Variants in TNC observed in about 807,000 individuals in gnomAD.
TNC encodes the protein tenascin.
TNC carries 109 observed loss-of-function variants against 202.4 expected under a neutral mutation model. The ratio of observed to expected loss-of-function variants is 0.54; its 90% CI spans 0.46 to 0.63. The LOEUF (loss-of-function observed/expected upper bound fraction) is 0.63. Among genes scored for constraint, TNC ranks in the 30% least tolerant of loss-of-function variants. The probability of loss-of-function intolerance (pLI) is 0.00; values close to 1 mark genes in which losing one functional copy is unlikely to be tolerated. For synonymous variants in TNC, 1,007 were observed against 1,089.7 expected, an observed-to-expected ratio of 0.92 and a Z score of 1.50; for missense variants, 2,756 against 2,833.3, an observed-to-expected ratio of 0.97 and a Z score of 0.62.
intron 17 of TNC, among the ~76,000 whole-genome samples, chr9:115,044,384 G>GAC (rs113847516): frequency 0.23 from 34,198 of 146,988 alleles, 4,178 homozygotes; most frequent in East Asian, 0.38. Flanking sequence ...CAGGCATGTA[G>GAC]ACACACACAC....
At chr9:115,108,061 C>T (rs1342871863) in intron 1 of TNC, among the ~76,000 whole-genome samples, 6 of 152,144 alleles carry the variant, frequency 3.9e-5, no homozygotes, top group Non-Finnish European at 5.9e-5. Context: ...TGGCTGTGCT[C>T]ATTGATTGTC....
intron 14 of TNC, among the ~76,000 whole-genome samples, chr9:115,058,891 A>T (rs1832330710): frequency 6.6e-6 from 1 of 152,060 alleles, no homozygotes; most frequent in Non-Finnish European, 1.5e-5. Flanking sequence ...GTCTTGTAAC[A>T]GGGGTAGAGT....
At position 115,048,859 on chromosome 9, in the gene TNC, T is replaced by C. The variant is rs575457151; in HGVS notation, c.4580-327A>G. Among the ~76,000 whole-genome samples, 4 of 152,236 alleles carry C rather than the reference T, an allele frequency of 2.6e-5. No homozygotes were observed. The East Asian group carries it at 7.7e-4, about 29-fold the overall frequency. On this transcript the variant is annotated intron_variant, in intron 15 of 27. Coordinates refer to ENST00000350763, the MANE Select transcript of TNC (RefSeq NM_002160.4). Reference sequence around the variant, plus strand: ...TAGTCAGGTTTGACTCCAAAGGCCATGTAGTTCTTTATACAAATAGGTTGC... The same window carrying C: ...TAGTCAGGTTTGACTCCAAAGGCCACGTAGTTCTTTATACAAATAGGTTGC...
At chr9:115,049,912 A>T (rs939208788) in intron 15 of TNC, among the ~76,000 whole-genome samples, 8 of 152,162 alleles carry the variant, frequency 5.3e-5, no homozygotes, top group African/African-American at 1.9e-4. Flanking sequence ...TTGTAAATAG[A>T]GATTTAAATT....
intron 1 of TNC, among the ~76,000 whole-genome samples, chr9:115,096,460 T>C (rs1006270568): frequency 2.0e-5 from 3 of 152,216 alleles, no homozygotes; most frequent in African/African-American, 7.2e-5. Context: ...AGAAGTTTTA[T>C]TGAGCAGTAC....
rs1829026696 is a variant in TNC at position 115,021,094 on chromosome 9, CT to C, written c.*62del. The C allele has an allele frequency of 7.2e-7, 1 of 1,381,978 alleles. No individual in the cohort carries two copies. The highest frequency in any genetic ancestry group is 1.0e-6 in the Non-Finnish European group (1 of 976,740). 85.6% of individuals were successfully genotyped at this position (1,381,978 alleles called of 1,614,324 possible). ...GATGGTTGGGCTGGTTGTATTGATGCTTTGGTAAAATCCTTTCCTCGCTCTG... is the reference window on the plus strand; with the variant it reads ...GATGGTTGGGCTGGTTGTATTGATGCTTGGTAAAATCCTTTCCTCGCTCTG... On this transcript the variant is annotated 3_prime_UTR_variant, in exon 28 of 28. Transcript: ENST00000350763.
In TNC at chr9:115,086,745, G is replaced by A. The variant is rs763194271; in HGVS notation, c.986C>T (p.Thr329Ile). 2.5e-6 allele frequency: 4 copies of A among 1,613,754 alleles called. No individual in the cohort carries two copies. In the Admixed American group the frequency reaches 6.7e-5, roughly 27 times the overall value. The change falls in exon 3 of 28, where the codon ACC becomes ATC. Residue 329 changes from threonine (T) to isoleucine (I), a missense_variant. Transcript: ENST00000350763. ...TGTGAAGCCTTCTTCGCAGTAGCAGGTGCCATTGATGCAGCGGCCCCGGTC... is the reference window on the plus strand; with the variant it reads ...TGTGAAGCCTTCTTCGCAGTAGCAGATGCCATTGATGCAGCGGCCCCGGTC... ...CFDRGRCING[T>I]CYCEEGFTGE...
chr9:115,106,890 A>G (rs1836657608), intron 1 of TNC, among the ~76,000 whole-genome samples: 2 of 152,168 alleles, frequency 1.3e-5, no homozygotes, highest in Non-Finnish European at 2.9e-5. Context: ...AATTCCTTCT[A>G]AATAGGATCA....
intron 18 of TNC, among the ~76,000 whole-genome samples, chr9:115,041,868 C>T (rs907472237): frequency 1.3e-5 from 2 of 152,198 alleles, no homozygotes; most frequent in African/African-American, 4.8e-5. Flanking sequence ...TAAAACTTCA[C>T]ATATATCCAA....
chr9:115,054,696 G>A (rs1473652721), intron 15 of TNC, among the ~76,000 whole-genome samples: 3 of 152,128 alleles, frequency 2.0e-5, no homozygotes, highest in African/African-American at 4.8e-5. Context: ...AAAATGAGGG[G>A]CATTTTTCTC....
At position 115,062,521 on chromosome 9, in the gene TNC, A is replaced by G. The variant is rs1039518284; in HGVS notation, c.4033+396T>C. 7.9e-5 allele frequency among the ~76,000 whole-genome samples: 12 copies of G among 152,028 alleles called. 3 individuals are homozygous for G. The Middle Eastern group carries it at 0.037, about 474-fold the overall frequency. On this transcript the variant is annotated intron_variant, in intron 13 of 27. Transcript: ENST00000350763. The stretch of plus-strand genomic sequence containing the variant: ...CTACTGTAGAGGCTGAGGCAGGAGA[A>G]TCACTTGAGTCTAGGAGTTCGAGGC...
chr9:115,041,367 G>A (rs1319459586), intron 18 of TNC, among the ~76,000 whole-genome samples: 1 of 151,438 alleles, frequency 6.6e-6, no homozygotes, highest in Non-Finnish European at 1.5e-5. Context: ...TCAGTAGAGA[G>A]CTGGCACGTT....
At chr9:115,040,381 T>C (rs1244035534) in intron 19 of TNC, among the ~76,000 whole-genome samples, 1 of 152,174 alleles carries the variant, frequency 6.6e-6, no homozygotes, top group Non-Finnish European at 1.5e-5. Flanking sequence ...AGGAGCTGTT[T>C]TGTAGCTGTC....
intron 13 of TNC, among the ~76,000 whole-genome samples, chr9:115,061,572 GC>G (rs1482780662): frequency 6.6e-6 from 1 of 152,148 alleles, no homozygotes; most frequent in Non-Finnish European, 1.5e-5. Flanking sequence ...ATAAAACCTG[GC>G]CCCCTTATTT....
intron 27 of TNC, among the ~76,000 whole-genome samples, chr9:115,023,124 C>T (rs1829213661): frequency 6.6e-6 from 1 of 152,058 alleles, no homozygotes; most frequent in African/African-American, 2.4e-5. Flanking sequence ...GAATTTGGCC[C>T]TTTGCATTTT....
At chr9:115,077,486 G>C (rs368259221) in intron 7 of TNC, among the ~76,000 whole-genome samples, 54 of 152,298 alleles carry the variant, frequency 3.5e-4, no homozygotes, top group South Asian at 8.3e-4. Context: ...CACCACGCCC[G>C]GCCTCCTCAT....
chr9:115,068,315 G>T (rs1316289821), intron 10 of TNC, among the ~76,000 whole-genome samples: 1 of 152,172 alleles, frequency 6.6e-6, no homozygotes, highest in Non-Finnish European at 1.5e-5. Context: ...GAAACCCATT[G>T]CTGTGCTCCT....
chr9:115,086,155 C>T lies in TNC; in HGVS notation c.1576G>A (p.Asp526Asn). ...CVCEDGFTGPDCAELSCPNDC... is the reference protein window; with the variant it reads ...CVCEDGFTGPNCAELSCPNDC... ...TTTGGACAGGAGAGTTCTGCACAGT[C>T]AGGGCCGGTGAAGCCGTCCTCACAG... Residue 526 changes from aspartate to asparagine, a missense_variant, in exon 3 of 28, where the codon GAC (aspartate) becomes AAC (asparagine). By Grantham distance (23) the Asp-to-Asn change is conservative (BLOSUM62 1). Transcript: ENST00000350763. 6.2e-7 allele frequency: 1 copy of T among 1,614,214 alleles called. No individual in the cohort carries two copies. The highest frequency in any genetic ancestry group is 2.2e-5 in the East Asian group (1 of 44,886).
Position 115,076,445 on chromosome 9 carries a change from G to A in TNC, c.2805C>T (p.His935=), listed in dbSNP as rs749996186. ...IKYAPISGGD[H]AEVDVPKSQQ... The stretch of plus-strand genomic sequence containing the variant: ...GGCTCTTTGGAACATCAACCTCAGC[G>A]TGGTCCCCTCCAGAGATGGGGGCAT... Residue 935 remains histidine (H), a synonymous_variant, in exon 8 of 28, where the codon CAC becomes CAT. Coordinates refer to ENST00000350763, the MANE Select transcript of TNC (RefSeq NM_002160.4). 23 of 1,614,050 alleles carry A rather than the reference G, an allele frequency of 1.4e-5. No individual in the cohort carries two copies. In the Middle Eastern group the frequency reaches 8.2e-4, roughly 58 times the overall value.
Sources: gnomAD v4.1 joint callset for allele counts (sites outside exome capture counted in the v4.1 genomes callset) on GRCh38, gnomAD v4.1.1 for gene constraint, MANE v1.5 for transcripts, NCBI Gene and HGNC (gene_info 2026-07-23, HGNC 2026-07-21) for gene names.